The following TEX13C variants were observed in gnomAD, a reference collection of about 807,000 sequenced individuals.
The protein encoded by TEX13C is TEX13 family member C.
For missense variants in TEX13C, 480 were observed against 298.7 expected (o/e 1.61, Z -4.47); for synonymous variants, 219 against 116.6 (o/e 1.88, Z -5.65).
chrX:125,323,739 C>A, exon 1 of TEX13C: 1 of 111,548 alleles, frequency 9.0e-6, no homozygotes, highest in South Asian at 3.8e-4. Flanking sequence ...TTAGCTCCAC[C>A]AAACTTGCTT....
At chrX:125,320,351 G>A in exon 1 of TEX13C, 1 of 516,037 alleles carries the variant, frequency 1.9e-6, no homozygotes, top group Middle Eastern at 3.1e-4. Flanking sequence ...GAGTGTGCAA[G>A]TGGCTGCGAG....
rs181806419 is a variant in TEX13C at position 125,321,797 on chromosome X, C to T, written c.1678C>T (p.Leu560=). 300 of 509,614 alleles carry T rather than the reference C, an allele frequency of 5.9e-4. 2 individuals are homozygous for T. In the African/African-American group the frequency reaches 6.1e-3, roughly 10 times the overall value. The allele number at this position is 509,614 out of a possible 1,213,427, so 42.0% of individuals were successfully genotyped here. Residue 560 remains leucine (L), a synonymous_variant, in exon 1 of 1, where the codon CTG becomes TTG. Transcript: ENST00000632600. ...AGTGATGCCCCAGAACATGATCCCC[C>T]TGGAGGACAGCAACAGCCACAGCCT...
chrX:125,320,892 C>T, exon 1 of TEX13C: 1 of 515,473 alleles, frequency 1.9e-6, no homozygotes, highest in South Asian at 2.5e-5. Flanking sequence ...GAATCAGCAG[C>T]AGCAATTGCA....
chrX:125,322,428 A>G (rs1249625927), exon 1 of TEX13C: 1 of 500,188 alleles, frequency 2.0e-6, no homozygotes, highest in African/African-American at 2.6e-5. Flanking sequence ...GAGGACAGCA[A>G]CAGCCATAGC....
Position 125,322,958 on chromosome X carries a change from C to T in TEX13C, c.2839C>T (p.Gln947Ter), listed in dbSNP as rs890342649. The T allele has an allele frequency of 3.9e-6, 2 of 515,556 alleles. No individual in the cohort carries two copies. Among genetic ancestry groups the T allele is most frequent in the Non-Finnish European group, 7.0e-6 (2 of 287,100 alleles). 42.5% of individuals were successfully genotyped at this position (515,556 alleles called of 1,213,427 possible). A position where few individuals can be genotyped will look rare whatever the true frequency, so the allele number is the denominator to read the frequency against. Residue 947 changes from glutamine to a stop codon, truncating the protein, a stop_gained, in exon 1 of 1, where the codon CAA becomes TAA. Transcript: ENST00000632600. LOFTEE classifies it low-confidence loss of function (END_TRUNC). ...AAGGAAAAAGGCCTCAGAATCCCAG[C>T]AACAGAAGCCTGCCTCATGCTCCAG... is the stretch of plus-strand genomic sequence containing the variant.
At position 125,320,289 on chromosome X, in the gene TEX13C, C is replaced by A. The variant is rs760758732; in HGVS notation, c.170C>A (p.Pro57Gln). The stretch of plus-strand genomic sequence containing the variant: ...CGGCTTCGGGCCATTGTGGCCGACC[C>A]GCGGGTGCCCCGTGCCATTAAGAGG... Residue 57 changes from proline to glutamine, a missense_variant, in exon 1 of 1, where the codon CCG becomes CAG. Coordinates refer to ENST00000632600, the Ensembl canonical transcript of TEX13C. The A allele has an allele frequency of 4.3e-4, 221 of 515,160 alleles. No individual in the cohort carries two copies. In the African/African-American group the frequency reaches 4.4e-3, roughly 10 times the overall value. The allele number at this position is 515,160 out of a possible 1,213,427, so 42.5% of individuals were successfully genotyped here. A position where few individuals can be genotyped will look rare whatever the true frequency, so the allele number is the denominator to read the frequency against.
At chrX:125,324,350 T>C (rs2018873162) in exon 1 of TEX13C, 1 of 111,821 alleles carries the variant, frequency 8.9e-6, no homozygotes, top group African/African-American at 3.3e-5. Context: ...TCCATTTCTG[T>C]GGTTCTGGGG....
chrX:125,322,858 G>A, exon 1 of TEX13C: 1 of 515,259 alleles, frequency 1.9e-6, no homozygotes, highest in Non-Finnish European at 3.5e-6. Flanking sequence ...CCCCTCTGGA[G>A]GATAGCAAGA....
exon 1 of TEX13C, chrX:125,322,780 G>A: frequency 5.8e-6 from 3 of 515,501 alleles, no homozygotes; most frequent in Non-Finnish European, 1.0e-5. Context: ...TGATTCCCCA[G>A]GGCACAGCCT....
At chrX:125,322,185 G>C (rs1479033876) in exon 1 of TEX13C, 5 of 499,296 alleles carry the variant, frequency 1.0e-5, no homozygotes, top group African/African-American at 5.2e-5. Flanking sequence ...TTTAGCAGGA[G>C]ACACAGCCTG....
chrX:125,323,138 A>G lies in TEX13C; in HGVS notation c.*37A>G, dbSNP rs2018865113. 1 of 460,172 alleles carries G rather than the reference A, an allele frequency of 2.2e-6. No individual in the cohort carries two copies. Among genetic ancestry groups the G allele is most frequent in the African/African-American group, 2.4e-5 (1 of 41,119 alleles). The allele number at this position is 460,172 out of a possible 1,213,427, so 37.9% of individuals were successfully genotyped here. On this transcript the variant is annotated 3_prime_UTR_variant, in exon 1 of 1. Transcript: ENST00000632600. Reference sequence around the variant, plus strand: ...TCAGGAAGGTAAGTAAGATGGAAGCACTCCAAAGAGAAACCAATTTCCCAG... The same window carrying G: ...TCAGGAAGGTAAGTAAGATGGAAGCGCTCCAAAGAGAAACCAATTTCCCAG...
At chrX:125,319,874 G>A (rs1362315950), upstream of TEX13C, among the ~76,000 whole-genome samples, 2 of 112,489 alleles carry the variant, frequency 1.8e-5, no homozygotes, top group Non-Finnish European at 3.8e-5. Flanking sequence ...GCTTTTCTCT[G>A]TGATGTGTCG....
exon 1 of TEX13C, chrX:125,320,959 C>T (rs2018831043): frequency 1.9e-6 from 1 of 513,911 alleles, no homozygotes; most frequent in Non-Finnish European, 3.5e-6. Context: ...CAGTGGGATC[C>T]CAGGAGGAGA....
upstream of TEX13C, among the ~76,000 whole-genome samples, chrX:125,319,899 G>C (rs2018817450): frequency 8.9e-6 from 1 of 112,325 alleles, no homozygotes; most frequent in Admixed American, 9.3e-5. Context: ...GTTGCCGATA[G>C]GGTTCGGTGT....
rs529414508 is a variant in TEX13C at position 125,323,192 on chromosome X, T to C, written c.*91T>C. 3.8e-5 allele frequency: 16 copies of C among 422,093 alleles called. No homozygotes were observed. In the African/African-American group the frequency reaches 4.0e-4, roughly 10 times the overall value. The allele number at this position is 422,093 out of a possible 1,213,427, so 34.8% of individuals were successfully genotyped here. ...CCCCTTCTGATAAAAAAGTAACTTA[T>C]TTACTTAACAGAAAATTTGAAACCA... On this transcript the variant is annotated 3_prime_UTR_variant, in exon 1 of 1. Transcript: ENST00000632600.
exon 1 of TEX13C, chrX:125,322,080 C>T (rs1363907498): frequency 4.3e-6 from 2 of 468,773 alleles, no homozygotes; most frequent in Admixed American, 3.0e-5. Flanking sequence ...AAGAAAGATC[C>T]AGTGATGCCC....
At chrX:125,322,441 G>C (rs1227503361) in exon 1 of TEX13C, 4 of 504,465 alleles carry the variant, frequency 7.9e-6, no homozygotes, top group Non-Finnish European at 1.4e-5. Flanking sequence ...GCCATAGCCT[G>C]AAGAAAGATC....
At chrX:125,322,872 A>G (rs934513370) in exon 1 of TEX13C, 2 of 513,631 alleles carry the variant, frequency 3.9e-6, no homozygotes, top group African/African-American at 4.6e-5. Context: ...AGCAAGAGCC[A>G]TGGTGTGAAA....
chrX:125,321,263 G>A (rs1251240122), exon 1 of TEX13C: 1 of 512,966 alleles, frequency 1.9e-6, no homozygotes, highest in Non-Finnish European at 3.5e-6. Flanking sequence ...CCTGAAGAAA[G>A]ATCCAGTTGT....
Sources: gnomAD v4.1 joint callset for allele counts (sites outside exome capture counted in the v4.1 genomes callset) on GRCh38, gnomAD v4.1.1 for gene constraint, MANE v1.5 for transcripts, NCBI Gene and HGNC (gene_info 2026-07-23, HGNC 2026-07-21) for gene names.